Variants in SLC12A6 observed in about 807,000 individuals in gnomAD.
SLC12A6 encodes solute carrier family 12 member 6.
In SLC12A6, 66 loss-of-function variants were observed where a neutral mutation model predicts 135.3. The ratio of observed to expected loss-of-function variants is 0.49; its 90% CI spans 0.40 to 0.60. The LOEUF (loss-of-function observed/expected upper bound fraction) is 0.60, where lower values mean the gene tolerates loss of function less well. SLC12A6 is among the 20% of genes least tolerant of loss of function. SLC12A6 has a pLI of 0.00. For missense variants in SLC12A6, 1,058 were observed against 1,452.3 expected (o/e 0.73, Z 4.41); for synonymous variants, 513 against 508.8 (o/e 1.01, Z -0.11).
chr15:34,249,390 T>G (rs1330305933), intron 13 of SLC12A6, among the ~76,000 whole-genome samples: 2 of 151,894 alleles, frequency 1.3e-5, no homozygotes, highest in African/African-American at 4.8e-5. Context: ...TAAGGCCCCA[T>G]CTTTACAAAA....
At chr15:34,292,481 T>C (rs1031114939) in intron 2 of SLC12A6, among the ~76,000 whole-genome samples, 2 of 152,198 alleles carry the variant, frequency 1.3e-5, no homozygotes, top group Admixed American at 1.3e-4. Flanking sequence ...TGTCCATTCT[T>C]AGAGCTCAAA....
At chr15:34,321,081 T>C (rs1228162128) in intron 2 of SLC12A6, among the ~76,000 whole-genome samples, 4 of 152,082 alleles carry the variant, frequency 2.6e-5, no homozygotes, top group Admixed American at 2.6e-4. Context: ...ACAGAAACAT[T>C]AGACTAAGAA....
At chr15:34,243,888 TC>T (rs2140681640) in intron 16 of SLC12A6, 85 bp downstream of exon 16, 1 of 846,674 alleles carries the variant, frequency 1.2e-6, no homozygotes, top group East Asian at 2.4e-5. Context: ...AAAAATTTTA[TC>T]GAGAACCCAG....
chr15:34,264,938 T>C (rs1358631341), intron 3 of SLC12A6, among the ~76,000 whole-genome samples: 4 of 152,240 alleles, frequency 2.6e-5, no homozygotes, highest in South Asian at 2.1e-4. Flanking sequence ...GGCTCATGCC[T>C]GTAATCCCAA....
rs377455864 is a variant in SLC12A6, at chr15:34,238,224, T to C, written c.2802+8A>G. On this transcript the variant is annotated splice_region_variant and intron_variant, in intron 21 of 25. Transcript: ENST00000354181. ...AGACTTTTGTAAAAAAAAAGTTGTA[T>C]AAAATACCTTGTGCTGTTTCAGTAG... 23 of 1,607,240 alleles carry C rather than the reference T, an allele frequency of 1.4e-5. No individual in the cohort carries two copies. In the African/African-American group the frequency reaches 2.5e-4, roughly 18 times the overall value.
upstream of SLC12A6, chr15:34,337,812 C>T (rs1012628295): frequency 2.8e-4 from 42 of 152,128 alleles, no homozygotes. Flanking sequence ...GCAGGGTTCG[C>T]GCTGCCGGGG....
At chr15:34,281,957 AG>A (rs1894713289) in intron 2 of SLC12A6, among the ~76,000 whole-genome samples, 1 of 152,122 alleles carries the variant, frequency 6.6e-6, no homozygotes, top group Non-Finnish European at 1.5e-5. Flanking sequence ...ATAAAAATAT[AG>A]TTTAAAAAAG....
At chr15:34,322,381 A>AAAAAAC (rs1595571739) in intron 2 of SLC12A6, among the ~76,000 whole-genome samples, 1 of 152,072 alleles carries the variant, frequency 6.6e-6, no homozygotes, top group Non-Finnish European at 1.5e-5. Context: ...TATCTCGAAA[A>AAAAAAC]AAAAACAAAA....
intron 13 of SLC12A6, among the ~76,000 whole-genome samples, chr15:34,247,376 G>C (rs1050511347): frequency 6.6e-6 from 1 of 152,030 alleles, no homozygotes; most frequent in African/African-American, 2.4e-5. Context: ...AATTAGCTGG[G>C]CGTGGTGGCG....
rs894710143 is a variant in SLC12A6, at chr15:34,231,595, T to TC, written c.*2285_*2286insG. 18 of 149,984 alleles carry TC rather than the reference T, an allele frequency of 1.2e-4. No homozygotes were observed. Among genetic ancestry groups the TC allele is most frequent in the African/African-American group, 4.4e-4 (18 of 41,030 alleles). The allele number at this position is 149,984 out of a possible 1,614,324, so 9.3% of individuals were successfully genotyped here. On this transcript the variant is annotated 3_prime_UTR_variant, in exon 26 of 26. Transcript: ENST00000354181. ...TACTCAATTTCTTTCTTTCTTTCTT[T>TC]TTTTTTTTTTTTGAGATGGAGTCTC...
intron 13 of SLC12A6, 97 bp from the exon 14 acceptor site, chr15:34,245,964 ACT>A: frequency 1.1e-6 from 1 of 906,116 alleles, no homozygotes; most frequent in Non-Finnish European, 1.8e-6. Context: ...ACAGAATCTC[ACT>A]CTGTCACCCA....
chr15:34,260,657 A>G (rs1893056672), intron 4 of SLC12A6, among the ~76,000 whole-genome samples: 1 of 152,240 alleles, frequency 6.6e-6, no homozygotes, highest in Non-Finnish European at 1.5e-5. Context: ...AATAAAAACA[A>G]TTAAATCACA....
intron 2 of SLC12A6, among the ~76,000 whole-genome samples, chr15:34,328,833 C>A (rs1889644736): frequency 6.6e-6 from 1 of 152,134 alleles, no homozygotes; most frequent in African/African-American, 2.4e-5. Context: ...CAGTGTACTA[C>A]AGTTGTGCCT....
rs1889593113 is a variant in SLC12A6 at position 34,328,057 on chromosome 15, C to T, written c.271+8353G>A. 3.3e-5 allele frequency among the ~76,000 whole-genome samples: 5 copies of T among 151,506 alleles called. 1 individual carries two copies. The South Asian group carries it at 1.0e-3, about 31-fold the overall frequency. ...AAAAAGCTGCCATTGGTTAAATTAGCTAGAAAACTGGAGACTGAAACCCAG... is the reference window on the plus strand; with the variant it reads ...AAAAAGCTGCCATTGGTTAAATTAGTTAGAAAACTGGAGACTGAAACCCAG... On this transcript the variant is annotated intron_variant, in intron 2 of 25. Coordinates refer to ENST00000354181, the MANE Select transcript of SLC12A6 (RefSeq NM_001365088.1).
chr15:34,332,016 C>T (rs1889881127), intron 2 of SLC12A6, among the ~76,000 whole-genome samples: 2 of 152,002 alleles, frequency 1.3e-5, no homozygotes, highest in South Asian at 2.1e-4. Context: ...AACATTCAAC[C>T]GTCTGACCAC....
intron 7 of SLC12A6, 36 bp downstream of exon 7, chr15:34,256,193 C>G: frequency 7.3e-7 from 1 of 1,368,234 alleles, no homozygotes; most frequent in Non-Finnish European, 1.0e-6. Context: ...AGAGTCAACA[C>G]TGATAAATCC....
chr15:34,318,668 A>G, intron 2 of SLC12A6: 3 of 1,613,492 alleles, frequency 1.9e-6, no homozygotes, highest in Non-Finnish European at 2.5e-6. Flanking sequence ...AGTCACAGTA[A>G]AATGTGGCAT....
At chr15:34,314,885 T>C (rs182661327) in intron 2 of SLC12A6, 20 of 150,490 alleles carry the variant, frequency 1.3e-4, no homozygotes, top group Non-Finnish European at 2.7e-4. Context: ...CTAGCCCTCA[T>C]GGATGACTTT....
Position 34,328,741 on chromosome 15 carries a change from GGCATGGTGGT to G in SLC12A6, c.271+7659_271+7668del, listed in dbSNP as rs984045779. 6.6e-5 allele frequency among the ~76,000 whole-genome samples: 10 copies of G among 152,046 alleles called. 1 individual carries two copies. Among genetic ancestry groups the G allele is most frequent in the Admixed American group, 2.6e-4 (4 of 15,244 alleles). The stretch of plus-strand genomic sequence containing the variant: ...CAAAAGCCAATACAAAAGTTAGCTG[GGCATGGTGGT>G]GCATGCCTGTAGTCCCAGCTACTCA... On this transcript the variant is annotated intron_variant, in intron 2 of 25. Transcript: ENST00000354181.
Sources: allele counts gnomAD v4.1 joint callset (sites outside exome capture counted in the v4.1 genomes callset), GRCh38; gene constraint gnomAD v4.1.1; transcripts MANE v1.5; gene names NCBI Gene and HGNC (gene_info 2026-07-23, HGNC 2026-07-21).